Variants in DCDC2 observed in about 807,000 individuals in gnomAD.
DCDC2 encodes doublecortin domain containing 2, also known as doublecortin domain-containing protein 2.
In DCDC2, 40 loss-of-function variants were observed where a neutral mutation model predicts 50.2. That is an observed-to-expected ratio of 0.80 (90% CI 0.62 to 1.04). The LOEUF is 1.04. DCDC2 is among the 50% of genes least tolerant of loss of function. DCDC2 has a pLI of 0.00. For missense variants in DCDC2, 570 were observed against 581.9 expected, an observed-to-expected ratio of 0.98 and a Z score of 0.21; for synonymous variants, 234 against 210.6, an observed-to-expected ratio of 1.11 and a Z score of -0.96.
intron 7 of DCDC2, among the ~76,000 whole-genome samples, chr6:24,240,934 G>T (rs945648369): frequency 6.6e-6 from 1 of 152,190 alleles, no homozygotes; most frequent in Non-Finnish European, 1.5e-5. Flanking sequence ...TGTAAAGTCA[G>T]AATGTCTGTT....
At chr6:24,275,571 C>T (rs1216318365) in intron 7 of DCDC2, among the ~76,000 whole-genome samples, 2 of 152,124 alleles carry the variant, frequency 1.3e-5, no homozygotes, top group African/African-American at 4.8e-5. Context: ...TAAAACCTTC[C>T]TTTAAAAGAC....
intron 7 of DCDC2, among the ~76,000 whole-genome samples, chr6:24,246,157 G>A (rs1019600012): frequency 2.6e-5 from 4 of 151,778 alleles, no homozygotes; most frequent in African/African-American, 9.7e-5. Context: ...TCACCAAAAG[G>A]CAACAGACAA....
chr6:24,196,520 C>A (rs115650200), intron 8 of DCDC2, among the ~76,000 whole-genome samples: 4,006 of 152,202 alleles, frequency 0.026, 87 homozygotes, highest in African/African-American at 0.058. Context: ...TCCCAGATTC[C>A]AGCAGTTCTC....
Position 24,200,707 on chromosome 6 carries a change from T to C in DCDC2, c.1023+4295A>G, listed in dbSNP as rs560944311. 5.3e-5 allele frequency among the ~76,000 whole-genome samples: 8 copies of C among 151,956 alleles called. No homozygotes were observed. In the South Asian group the frequency reaches 6.2e-4, roughly 12 times the overall value. The stretch of plus-strand genomic sequence containing the variant: ...CCAATTAAAAGACACAGACTGCCAA[T>C]TGGATAAAGAGTCAAGACCCATCGG... On this transcript the variant is annotated intron_variant, in intron 8 of 9. Coordinates refer to ENST00000378454, the MANE Select transcript of DCDC2 (RefSeq NM_016356.5).
In DCDC2 at chr6:24,337,569, G is replaced by A. The variant is rs1030968990; in HGVS notation, c.348+16000C>T. 5.9e-5 allele frequency among the ~76,000 whole-genome samples: 9 copies of A among 152,146 alleles called. No homozygotes were observed. In the East Asian group the frequency reaches 7.7e-4, roughly 13 times the overall value. On this transcript the variant is annotated intron_variant, in intron 2 of 9. Transcript: ENST00000378454. ...AGCACTTTGGGAGGCCGAGGTGGGC[G>A]GATCGCTTGAGGTCAGGCATTCAAG...
At chr6:24,382,049 T>C in the DCDC2 span, among the ~76,000 whole-genome samples, 1 of 151,488 alleles carries the variant, frequency 6.6e-6, no homozygotes, top group Non-Finnish European at 1.5e-5. Context: ...TTCTCCTCCA[T>C]GGTGATTTCA....
At chr6:24,251,634 A>C (rs1762796240) in intron 7 of DCDC2, among the ~76,000 whole-genome samples, 1 of 152,042 alleles carries the variant, frequency 6.6e-6, no homozygotes, top group Admixed American at 6.6e-5. Context: ...GCACATTCTG[A>C]CACCTGTGTC....
chr6:24,215,073 G>A (rs547294582), intron 7 of DCDC2, among the ~76,000 whole-genome samples: 1 of 152,288 alleles, frequency 6.6e-6, no homozygotes, highest in Non-Finnish European at 1.5e-5. Flanking sequence ...TAGCATGCAA[G>A]TCTATGTAAG....
intron 7 of DCDC2, among the ~76,000 whole-genome samples, chr6:24,221,389 T>C (rs1192697544): frequency 6.6e-6 from 1 of 152,202 alleles, no homozygotes; most frequent in African/African-American, 2.4e-5. Flanking sequence ...TCTGCACTCA[T>C]ACAATCTCCT....
At chr6:24,221,605 C>T (rs886862246) in intron 7 of DCDC2, among the ~76,000 whole-genome samples, 1 of 152,246 alleles carries the variant, frequency 6.6e-6, no homozygotes, top group African/African-American at 2.4e-5. Flanking sequence ...AGGTTACATA[C>T]AGCACTCCAT....
intron 2 of DCDC2, among the ~76,000 whole-genome samples, chr6:24,310,725 G>A (rs1759555674): frequency 6.6e-6 from 1 of 152,148 alleles, no homozygotes; most frequent in South Asian, 2.1e-4. Flanking sequence ...GTAAAAGTCT[G>A]TCTATACCTA....
intron 8 of DCDC2, among the ~76,000 whole-genome samples, chr6:24,188,928 T>TTACACATATTAAA (rs1277745209): frequency 6.6e-6 from 1 of 152,104 alleles, no homozygotes; most frequent in African/African-American, 2.4e-5. Flanking sequence ...AACGGGCATG[T>TTACACATATTAAA]TACACATATT....
chr6:24,177,182 G>A (rs1052838403), intron 9 of DCDC2, among the ~76,000 whole-genome samples: 2 of 152,120 alleles, frequency 1.3e-5, no homozygotes, highest in African/African-American at 4.8e-5. Flanking sequence ...ATGACGCTGA[G>A]GACTATGTAG....
chr6:24,238,892 T>C lies in DCDC2; in HGVS notation c.923-33790A>G, dbSNP rs987138158. Among the ~76,000 whole-genome samples the C allele has an allele frequency of 2.0e-5, 3 of 152,164 alleles. No individual in the cohort carries two copies. The South Asian group carries it at 6.2e-4, about 32-fold the overall frequency. On this transcript the variant is annotated intron_variant, in intron 7 of 9. Transcript: ENST00000378454. ...CAGAGCAATAGAAAGGGCTGTCCTGTGAGAACATGAGCTGCCTCAAGGTGT... is the reference window on the plus strand; with the variant it reads ...CAGAGCAATAGAAAGGGCTGTCCTGCGAGAACATGAGCTGCCTCAAGGTGT...
At chr6:24,358,936 TTTATATATTATATA>T (rs1208615202), upstream of DCDC2, among the ~76,000 whole-genome samples, 55 of 16,986 alleles carry the variant, frequency 3.2e-3, 1 homozygote, top group Non-Finnish European at 4.7e-3. Flanking sequence ...TATTATATAT[TTTATATATTATATA>T]TTATATATTA....
chr6:24,224,068 CAG>C (rs1762174138), intron 7 of DCDC2, among the ~76,000 whole-genome samples: 1 of 148,442 alleles, frequency 6.7e-6, no homozygotes, highest in Non-Finnish European at 1.5e-5. Context: ...CCTCTCAAGA[CAG>C]AAAAAAAAAA....
intron 2 of DCDC2, among the ~76,000 whole-genome samples, chr6:24,331,076 C>A (rs1581656377): frequency 6.6e-6 from 1 of 152,228 alleles, no homozygotes; most frequent in South Asian, 2.1e-4. Flanking sequence ...CTCTTCCTGG[C>A]ATCTTCCTTC....
chr6:24,232,388 T>A (rs1196976981), intron 7 of DCDC2, among the ~76,000 whole-genome samples: 1 of 152,232 alleles, frequency 6.6e-6, no homozygotes, highest in Non-Finnish European at 1.5e-5. Context: ...GTTTCAGAAC[T>A]CTGTCTTACT....
At chr6:24,251,441 G>A (rs1762790528) in intron 7 of DCDC2, among the ~76,000 whole-genome samples, 1 of 152,170 alleles carries the variant, frequency 6.6e-6, no homozygotes, top group African/African-American at 2.4e-5. Context: ...GGCTTCCACA[G>A]CTGGTATGGC....
Sources: gnomAD v4.1 joint callset for allele counts (sites outside exome capture counted in the v4.1 genomes callset) on GRCh38, gnomAD v4.1.1 for gene constraint, MANE v1.5 for transcripts, NCBI Gene and HGNC (gene_info 2026-07-23, HGNC 2026-07-21) for gene names.